PALS2: variants seen among roughly 807,000 people sequenced by gnomAD.
PALS2 encodes the protein protein associated with LIN7 2, MAGUK p55 family member, also known as protein PALS2.
PALS2 carries 27 observed loss-of-function variants against 61.6 expected under a neutral mutation model. The observed-to-expected ratio is 0.44, with a 90% CI of 0.32 to 0.60. The LOEUF is 0.60. PALS2 is among the 20% of genes least tolerant of loss of function. The pLI is 0.05. For synonymous variants in PALS2, 236 were observed against 218.6 expected (o/e 1.08, Z -0.70); for missense variants, 554 against 639.4 (o/e 0.87, Z 1.44).
At chr7:24,634,124 A>AGTCTTTT (rs201011928) in intron 2 of PALS2, among the ~76,000 whole-genome samples, 2,701 of 152,306 alleles carry the variant, frequency 0.018, 33 homozygotes, top group Non-Finnish European at 0.028. Context: ...TCTGGGTACA[A>AGTCTTTT]GTCTTTTATG....
intron 2 of PALS2, among the ~76,000 whole-genome samples, chr7:24,624,561 C>T (rs957417585): frequency 2.7e-5 from 4 of 146,206 alleles, no homozygotes; most frequent in Non-Finnish European, 6.0e-5. Context: ...ATACCTTTTA[C>T]AAGGTTTTCT....
chr7:24,577,604 G>A (rs1782687000), intron 1 of PALS2, among the ~76,000 whole-genome samples: 1 of 151,522 alleles, frequency 6.6e-6, no homozygotes, highest in African/African-American at 2.4e-5. Flanking sequence ...CATCTACATT[G>A]CCCTTCATTT....
In PALS2 at chr7:24,680,503, A is replaced by G. The variant is rs1227267939; in HGVS notation, c.1429A>G (p.Thr477Ala). 1.9e-6 allele frequency: 3 copies of G among 1,613,704 alleles called. No individual in the cohort carries two copies. Among genetic ancestry groups the G allele is most frequent in the African/African-American group, 2.7e-5 (2 of 74,948 alleles). The change falls in exon 11 of 12, where the codon ACT becomes GCT. Residue 477 changes from threonine to alanine, a missense_variant. Transcript: ENST00000222644. The part of the protein sequence containing the change: ...MHKAVVDAGI[T>A]TKLLTDSDLK... ...CAAGGCTGTGGTGGATGCAGGAATC[A>G]CTACCAAGCTTCTGACCGTGAGCTA...
intron 2 of PALS2, among the ~76,000 whole-genome samples, chr7:24,624,605 C>CTTCTTCTTTTTTT (rs1554302487): frequency 2.3e-5 from 2 of 86,400 alleles, no homozygotes; most frequent in East Asian, 5.4e-4. Context: ...GCAGATTCTT[C>CTTCTTCTTTTTTT]TTTTTTTTTT....
At chr7:24,581,209 T>C (rs1204766941) in intron 1 of PALS2, among the ~76,000 whole-genome samples, 2 of 151,756 alleles carry the variant, frequency 1.3e-5, no homozygotes, top group Non-Finnish European at 2.9e-5. Flanking sequence ...GGCTGGCATT[T>C]GAAATCTTTC....
intron 2 of PALS2, 39 bp from the exon 3 acceptor site, chr7:24,641,677 A>C: frequency 6.7e-7 from 1 of 1,487,332 alleles, no homozygotes; most frequent in Non-Finnish European, 9.1e-7. Context: ...GCAAATAACA[A>C]ATAAGTATTA....
intron 1 of PALS2, among the ~76,000 whole-genome samples, chr7:24,601,863 C>A (rs531545477): frequency 6.6e-6 from 1 of 151,998 alleles, no homozygotes; most frequent in East Asian, 1.9e-4. Flanking sequence ...TGATTTTTTT[C>A]TTTTTTCTCA....
intron 2 of PALS2, chr7:24,624,083 T>A (rs1784634682): frequency 7.5e-7 from 1 of 1,332,594 alleles, no homozygotes; most frequent in Admixed American, 2.2e-5. Flanking sequence ...AAGATCCTGA[T>A]CCTATTTCCA....
rs769396817 is a variant in PALS2, at chr7:24,663,720, A to C, written c.782A>C (p.Gln261Pro). The change falls in exon 6 of 12, where the codon CAG becomes CCG. Residue 261 changes from glutamine to proline, a missense_variant and splice_region_variant. Coordinates refer to ENST00000222644, the MANE Select transcript of PALS2 (RefSeq NM_001303037.2). ...AATAGAGAAGATCCAAATTGGTGGC[A>C]GGTTAGTATGCTTCTCAGAAGTTCC... Reference protein sequence around the residue: ...IVNREDPNWWQASHVKEGGSA... With the variant: ...IVNREDPNWWPASHVKEGGSA... 6.2e-7 allele frequency: 1 copy of C among 1,609,978 alleles called. No homozygotes were observed. Among genetic ancestry groups the C allele is most frequent in the Non-Finnish European group, 8.5e-7 (1 of 1,177,080 alleles).
chr7:24,676,221 T>G (rs1205855327), intron 9 of PALS2, among the ~76,000 whole-genome samples: 3 of 152,098 alleles, frequency 2.0e-5, no homozygotes, highest in African/African-American at 7.2e-5. Context: ...TTGATGGGGT[T>G]GTTTGTTTTT....
At chr7:24,617,488 A>G (rs748474221) in intron 1 of PALS2, among the ~76,000 whole-genome samples, 5 of 152,170 alleles carry the variant, frequency 3.3e-5, no homozygotes, top group Admixed American at 6.5e-5. Flanking sequence ...TTATTTCTAC[A>G]CATATGGTAG....
In PALS2 at chr7:24,693,881, A is replaced by G. The variant is rs1222733608; in HGVS notation, c.*6267A>G. 2 of 152,024 alleles carry G rather than the reference A, an allele frequency of 1.3e-5. No individual in the cohort carries two copies. Among genetic ancestry groups the G allele is most frequent in the African/African-American group, 2.4e-5 (1 of 41,386 alleles). The allele number at this position is 152,024 out of a possible 1,614,324, so 9.4% of individuals were successfully genotyped here. A position where few individuals can be genotyped will look rare whatever the true frequency, so the allele number is the denominator to read the frequency against. On this transcript the variant is annotated 3_prime_UTR_variant, in exon 12 of 12. Transcript: ENST00000222644. ...TTTGATGTGAAAACCTTGCTGTGGG[A>G]ATTTTTTATTCTTCCTTTTCCCCCC... is the stretch of plus-strand genomic sequence containing the variant.
At chr7:24,669,327 T>A (rs928320767) in intron 9 of PALS2, among the ~76,000 whole-genome samples, 3 of 152,248 alleles carry the variant, frequency 2.0e-5, no homozygotes, top group African/African-American at 7.2e-5. Flanking sequence ...GTATGCTTGA[T>A]GAGAATGGAA....
chr7:24,649,858 A>G (rs1051982650), intron 4 of PALS2, 94 bp downstream of exon 4: 5 of 1,202,986 alleles, frequency 4.2e-6, no homozygotes, highest in African/African-American at 3.2e-5. Context: ...TCCTTTTCAT[A>G]ATGTTATGAA....
intron 4 of PALS2, 82 bp downstream of exon 4, chr7:24,649,846 T>C (rs929453968): frequency 7.7e-7 from 1 of 1,296,228 alleles, no homozygotes; most frequent in Non-Finnish European, 1.0e-6. Flanking sequence ...TTTCATTTTT[T>C]TTCCTTTTCA....
At chr7:24,636,161 G>A (rs1292207230) in intron 2 of PALS2, among the ~76,000 whole-genome samples, 4 of 145,750 alleles carry the variant, frequency 2.7e-5, no homozygotes, top group Non-Finnish European at 5.9e-5. Flanking sequence ...GCAGTGAGCC[G>A]AGATCACATC....
At chr7:24,575,206 G>C (rs1406205325) in intron 1 of PALS2, among the ~76,000 whole-genome samples, 1 of 152,134 alleles carries the variant, frequency 6.6e-6, no homozygotes, top group African/African-American at 2.4e-5. Context: ...TTATGAAAGA[G>C]GTGTGTATGT....
intron 1 of PALS2, among the ~76,000 whole-genome samples, chr7:24,594,996 T>G (rs1015494054): frequency 6.6e-6 from 1 of 152,084 alleles, no homozygotes; most frequent in Non-Finnish European, 1.5e-5. Context: ...ATTCAATTTT[T>G]TTAAAAACAG....
At chr7:24,674,425 C>CT (rs1787458233) in intron 9 of PALS2, 1 of 153,176 alleles carries the variant, frequency 6.5e-6, no homozygotes, top group Admixed American at 6.5e-5. Flanking sequence ...CAGTGCTGAT[C>CT]TTTTTCCCAT....
Sources: gnomAD v4.1 joint callset for allele counts (sites outside exome capture counted in the v4.1 genomes callset) on GRCh38, gnomAD v4.1.1 for gene constraint, MANE v1.5 for transcripts, NCBI Gene and HGNC (gene_info 2026-07-23, HGNC 2026-07-21) for gene names.